Variants in IL1RAPL2 observed in about 807,000 individuals in gnomAD.
IL1RAPL2 encodes the protein X-linked interleukin-1 receptor accessory protein-like 2.
A neutral mutation model predicts 44.1 loss-of-function variants in IL1RAPL2; 3 were observed. The observed-to-expected ratio is 0.07, with a 90% CI of 0.03 to 0.18. The LOEUF (loss-of-function observed/expected upper bound fraction) is 0.18, where lower values mean the gene tolerates loss of function less well. IL1RAPL2 is among the 10% of genes least tolerant of loss of function. The probability of loss-of-function intolerance (pLI) is 1.00; values close to 1 mark genes in which losing one functional copy is unlikely to be tolerated. For missense variants in IL1RAPL2, 391 were observed against 496.4 expected (o/e 0.79, Z 2.02); for synonymous variants, 181 against 178.8 (o/e 1.01, Z -0.10).
chrX:104,794,671 A>AT (rs1932840875), intron 2 of IL1RAPL2, among the ~76,000 whole-genome samples: 1 of 112,083 alleles, frequency 8.9e-6, no homozygotes, highest in South Asian at 3.7e-4. Context: ...GTGTGGAGGG[A>AT]TTTATGCTGT....
chrX:105,313,422 C>T (rs2034813428), intron 5 of IL1RAPL2, among the ~76,000 whole-genome samples: 1 of 111,946 alleles, frequency 8.9e-6, no homozygotes, highest in Non-Finnish European at 1.9e-5. Context: ...AACATCAGGA[C>T]TCGATCCTTT....
chrX:105,164,463 C>T (rs961577249), intron 2 of IL1RAPL2, among the ~76,000 whole-genome samples: 2 of 111,777 alleles, frequency 1.8e-5, no homozygotes, highest in African/African-American at 6.5e-5. Context: ...AATAATAGCT[C>T]GACCTTGATA....
chrX:105,052,104 G>A (rs963942874), intron 2 of IL1RAPL2, among the ~76,000 whole-genome samples: 2 of 112,572 alleles, frequency 1.8e-5, no homozygotes, highest in Non-Finnish European at 3.8e-5. Context: ...GCATTCAAGT[G>A]CAGAGGTACA....
chrX:105,338,217 T>TA (rs1898746684), intron 5 of IL1RAPL2, among the ~76,000 whole-genome samples: 1 of 111,931 alleles, frequency 8.9e-6, no homozygotes, highest in African/African-American at 3.3e-5. Flanking sequence ...TCTCCTACAG[T>TA]ACAGTGATAT....
intron 7 of IL1RAPL2, among the ~76,000 whole-genome samples, chrX:105,720,939 C>T (rs780712542): frequency 4.6e-5 from 5 of 109,098 alleles, no homozygotes; most frequent in African/African-American, 1.0e-4. Flanking sequence ...CATAAGAATA[C>T]TGCTCATGTC....
At chrX:105,182,973 G>A (rs545775365) in intron 2 of IL1RAPL2, among the ~76,000 whole-genome samples, 3 of 111,045 alleles carry the variant, frequency 2.7e-5, no homozygotes, top group South Asian at 7.8e-4. Flanking sequence ...GCTCATCCTC[G>A]GGTCTCTGGT....
chrX:105,227,795 A>G (rs1257313618), intron 3 of IL1RAPL2, among the ~76,000 whole-genome samples: 1 of 112,057 alleles, frequency 8.9e-6, no homozygotes, highest in Non-Finnish European at 1.9e-5. Flanking sequence ...AGCTTAAAAG[A>G]TTTTTCAATA....
intron 4 of IL1RAPL2, among the ~76,000 whole-genome samples, chrX:105,248,333 C>T (rs1438306537): frequency 9.0e-6 from 1 of 111,302 alleles, no homozygotes; most frequent in Non-Finnish European, 1.9e-5. Context: ...TATATGATTG[C>T]ATACCTAGAA....
intron 2 of IL1RAPL2, among the ~76,000 whole-genome samples, chrX:105,129,088 G>T (rs2033003301): frequency 1.8e-5 from 2 of 110,848 alleles, no homozygotes. Flanking sequence ...AACTTATGTT[G>T]TCTTAGTCCA....
chrX:105,034,926 C>G (rs2031595408), intron 2 of IL1RAPL2, among the ~76,000 whole-genome samples: 1 of 24,444 alleles, frequency 4.1e-5, no homozygotes, highest in African/African-American at 1.8e-4. Flanking sequence ...TTTACCTAAT[C>G]AAGCCTGGGC....
intron 2 of IL1RAPL2, among the ~76,000 whole-genome samples, chrX:104,809,212 T>C (rs1569318477): frequency 8.9e-6 from 1 of 111,837 alleles, no homozygotes; most frequent in Non-Finnish European, 1.9e-5. Context: ...CCCCTTAACA[T>C]CAACCTTAGC....
chrX:105,011,279 A>G (rs2031043214), intron 2 of IL1RAPL2, among the ~76,000 whole-genome samples: 1 of 111,477 alleles, frequency 9.0e-6, no homozygotes, highest in South Asian at 3.7e-4. Flanking sequence ...ATTTATTATG[A>G]TTCCCCCAGG....
chrX:104,682,733 G>T (rs997087974), intron 2 of IL1RAPL2, among the ~76,000 whole-genome samples: 2 of 112,079 alleles, frequency 1.8e-5, no homozygotes, highest in Non-Finnish European at 3.8e-5. Flanking sequence ...GGAAGTTACA[G>T]TGTCTTGAAG....
intron 2 of IL1RAPL2, among the ~76,000 whole-genome samples, chrX:104,771,495 T>A (rs1602720237): frequency 8.9e-6 from 1 of 112,446 alleles, no homozygotes; most frequent in African/African-American, 3.2e-5. Flanking sequence ...TGAGAGGTAT[T>A]TTTTGCTTAT....
intron 9 of IL1RAPL2, among the ~76,000 whole-genome samples, chrX:105,753,662 C>A (rs1400266273): frequency 9.0e-6 from 1 of 111,479 alleles, no homozygotes; most frequent in Non-Finnish European, 1.9e-5. Context: ...CAGTGGAATG[C>A]GCCCAACTTG....
chrX:105,035,748 A>G (rs1292671004), intron 2 of IL1RAPL2, among the ~76,000 whole-genome samples: 2 of 112,544 alleles, frequency 1.8e-5, no homozygotes, highest in African/African-American at 3.2e-5. Flanking sequence ...AAAAAATCAC[A>G]TAACTCCAAT....
At chrX:105,341,353 T>C (rs753932935) in intron 5 of IL1RAPL2, among the ~76,000 whole-genome samples, 2 of 109,594 alleles carry the variant, frequency 1.8e-5, no homozygotes, top group South Asian at 3.8e-4. Context: ...CTTTTTTTTT[T>C]ACTGAAGATT....
chrX:104,926,782 C>T (rs1021119192), intron 2 of IL1RAPL2, among the ~76,000 whole-genome samples: 4 of 111,404 alleles, frequency 3.6e-5, no homozygotes, highest in African/African-American at 1.3e-4. Context: ...TTGAATTGTT[C>T]CACTGCTCAG....
chrX:105,394,129 A>G lies in IL1RAPL2; in HGVS notation c.698-90184A>G, dbSNP rs185850865. ...GCTGGATTGCCTAATGGGCAGGCTA[A>G]TCATGCATTTATGGCATTAGCAATG... is the stretch of plus-strand genomic sequence containing the variant. On this transcript the variant is annotated intron_variant, in intron 5 of 10. Coordinates refer to ENST00000372582, the MANE Select transcript of IL1RAPL2 (RefSeq NM_017416.2). Among the ~76,000 whole-genome samples the G allele has an allele frequency of 5.3e-3, 591 of 112,451 alleles. 6 individuals carry two copies. The highest frequency in any genetic ancestry group is 0.018 in the African/African-American group (557 of 31,027).
Sources: gnomAD v4.1 joint callset for allele counts (sites outside exome capture counted in the v4.1 genomes callset) on GRCh38, gnomAD v4.1.1 for gene constraint, MANE v1.5 for transcripts, NCBI Gene and HGNC (gene_info 2026-07-23, HGNC 2026-07-21) for gene names.